The following ACTR3C variants were observed in gnomAD, a reference collection of about 807,000 sequenced individuals.
The protein encoded by ACTR3C is actin-related protein 3C.
Under a neutral mutation model 26.3 loss-of-function variants are expected in ACTR3C, and 18 were observed. The ratio of observed to expected loss-of-function variants is 0.68; its 90% CI spans 0.47 to 1.01. The LOEUF is 1.01. ACTR3C is among the 50% of genes least tolerant of loss of function. The probability of loss-of-function intolerance (pLI) is 0.00; values close to 1 mark genes in which losing one functional copy is unlikely to be tolerated. For missense variants in ACTR3C, 184 were observed against 250.7 expected (o/e 0.73, Z 1.80); for synonymous variants, 55 against 94.5 (o/e 0.58, Z 2.42).
the ACTR3C span, among the ~76,000 whole-genome samples, chr7:150,143,327 C>G: frequency 1.3e-5 from 2 of 152,104 alleles, no homozygotes; most frequent in Non-Finnish European, 2.9e-5. Context: ...TGAAAATGCA[C>G]AATGCACAAC....
intron 3 of ACTR3C, among the ~76,000 whole-genome samples, chr7:150,292,186 C>A (rs184073823): frequency 1.3e-5 from 2 of 151,542 alleles, no homozygotes; most frequent in East Asian, 3.9e-4. Context: ...CACACCCCCC[C>A]ATATACATAT....
At chr7:150,032,306 A>G in the ACTR3C span, among the ~76,000 whole-genome samples, 4 of 152,282 alleles carry the variant, frequency 2.6e-5, no homozygotes, top group South Asian at 8.3e-4. Flanking sequence ...TTTTGAGAGG[A>G]AGCTCTTGTA....
chr7:150,292,564 G>T (rs1253674166), intron 3 of ACTR3C, among the ~76,000 whole-genome samples: 9 of 149,754 alleles, frequency 6.0e-5, no homozygotes, highest in African/African-American at 2.2e-4. Flanking sequence ...GCAATGGCGC[G>T]ATCTCGGCTC....
the ACTR3C span, among the ~76,000 whole-genome samples, chr7:150,019,891 T>C: frequency 6.6e-6 from 1 of 152,010 alleles, no homozygotes; most frequent in Non-Finnish European, 1.5e-5. Flanking sequence ...CAGTACATAA[T>C]GATACTGAAA....
At chr7:149,900,915 C>G in the ACTR3C span, among the ~76,000 whole-genome samples, 14 of 152,148 alleles carry the variant, frequency 9.2e-5, no homozygotes, top group East Asian at 2.1e-3. Context: ...CACCTGTAAT[C>G]CCAGCTACTC....
intron 6 of ACTR3C, 63 bp from the exon 7 acceptor site, chr7:150,249,117 C>T (rs992370169): frequency 5.7e-6 from 3 of 526,670 alleles, no homozygotes; most frequent in Non-Finnish European, 1.0e-5. Context: ...CAAAAGAGCT[C>T]ACATTTGTAT....
chr7:150,283,655 A>G (rs1174613389), intron 6 of ACTR3C, among the ~76,000 whole-genome samples: 1 of 152,128 alleles, frequency 6.6e-6, no homozygotes, highest in African/African-American at 2.4e-5. Flanking sequence ...CTTCATATAT[A>G]CTATAGCTAT....
the ACTR3C span, among the ~76,000 whole-genome samples, chr7:150,148,159 A>AAG: frequency 6.6e-6 from 1 of 151,088 alleles, no homozygotes; most frequent in Non-Finnish European, 1.5e-5. Flanking sequence ...AAGTTAAAAA[A>AAG]AAAAAGAAAA....
At chr7:150,010,617 C>T in the ACTR3C span, among the ~76,000 whole-genome samples, 25 of 150,370 alleles carry the variant, frequency 1.7e-4, no homozygotes, top group Admixed American at 9.4e-4. Context: ...TCGCTTGAAC[C>T]TGGGAGGCAG....
the ACTR3C span, among the ~76,000 whole-genome samples, chr7:150,214,439 C>A: frequency 6.6e-6 from 1 of 151,892 alleles, no homozygotes; most frequent in African/African-American, 2.4e-5. Context: ...TCCGGAGCTA[C>A]GCACACAAAC....
the ACTR3C span, among the ~76,000 whole-genome samples, chr7:149,884,713 C>G: frequency 2.6e-5 from 4 of 152,320 alleles, no homozygotes; most frequent in South Asian, 8.3e-4. Context: ...TTAGCCAGCT[C>G]TCCAGCTGCC....
chr7:150,228,940 T>C, the ACTR3C span, among the ~76,000 whole-genome samples: 1 of 151,394 alleles, frequency 6.6e-6, no homozygotes, highest in Non-Finnish European at 1.5e-5. Flanking sequence ...CTACTGTATA[T>C]ATAGTAATGG....
chr7:149,944,970 G>A, the ACTR3C span, among the ~76,000 whole-genome samples: 1 of 152,092 alleles, frequency 6.6e-6, no homozygotes, highest in South Asian at 2.1e-4. Flanking sequence ...AAACTCAAAT[G>A]TGTGGGGTTG....
chr7:150,043,910 A>G, the ACTR3C span, among the ~76,000 whole-genome samples: 1 of 152,212 alleles, frequency 6.6e-6, no homozygotes, highest in Non-Finnish European at 1.5e-5. Context: ...CATTATACCA[A>G]TGGAAAACCA....
At chr7:150,158,803 C>T in the ACTR3C span, among the ~76,000 whole-genome samples, 101 of 152,132 alleles carry the variant, frequency 6.6e-4, no homozygotes, top group Non-Finnish European at 1.3e-3. Context: ...CACACACACA[C>T]GCACACACAC....
At chr7:150,187,097 G>C in the ACTR3C span, among the ~76,000 whole-genome samples, 2 of 151,638 alleles carry the variant, frequency 1.3e-5, no homozygotes, top group African/African-American at 4.9e-5. Flanking sequence ...GAGCAATGCT[G>C]CTTTCTTGGT....
chr7:149,964,813 G>T, the ACTR3C span, among the ~76,000 whole-genome samples: 2 of 151,982 alleles, frequency 1.3e-5, no homozygotes, highest in African/African-American at 4.8e-5. Flanking sequence ...TGAGTTCACT[G>T]GTTTCTGTCT....
chr7:150,016,925 A>G, the ACTR3C span, among the ~76,000 whole-genome samples: 21 of 152,192 alleles, frequency 1.4e-4, no homozygotes, highest in South Asian at 2.1e-4. Context: ...AATAAAGTAG[A>G]ATTCTTGGAG....
At chr7:149,959,227 C>A in the ACTR3C span, among the ~76,000 whole-genome samples, 1,070 of 126,208 alleles carry the variant, frequency 8.5e-3, 14 homozygotes, top group African/African-American at 0.029. Context: ...AGCTCGCCCC[C>A]CACCCCCACA....
Sources: allele counts gnomAD v4.1 joint callset (sites outside exome capture counted in the v4.1 genomes callset), GRCh38; gene constraint gnomAD v4.1.1; transcripts MANE v1.5; gene names NCBI Gene and HGNC (gene_info 2026-07-23, HGNC 2026-07-21).